CHST13: variants seen among roughly 807,000 people sequenced by gnomAD.
CHST13 encodes carbohydrate sulfotransferase 13.
A neutral mutation model predicts 7.0 loss-of-function variants in CHST13; 1 was observed. That is an observed-to-expected ratio of 0.14 (90% CI 0.05 to 0.68). The LOEUF is 0.68. CHST13 is among the 30% of genes least tolerant of loss of function. CHST13 has a pLI of 0.82. For missense variants in CHST13, 572 were observed against 507.9 expected (o/e 1.13, Z -1.21); for synonymous variants, 257 against 240.9 (o/e 1.07, Z -0.62).
chr3:126,532,557 T>A (rs1468675687), intron 1 of CHST13, among the ~76,000 whole-genome samples: 1 of 152,220 alleles, frequency 6.6e-6, no homozygotes, highest in Non-Finnish European at 1.5e-5. Flanking sequence ...CTTGGCTCCC[T>A]CATCAATAAT....
At chr3:126,539,552 A>T (rs1170665244) in intron 2 of CHST13, among the ~76,000 whole-genome samples, 1 of 145,450 alleles carries the variant, frequency 6.9e-6, no homozygotes, top group Non-Finnish European at 1.5e-5. Context: ...CACACCGCAC[A>T]CACACTGCAC....
At chr3:126,534,866 G>C (rs1475257884) in intron 1 of CHST13, among the ~76,000 whole-genome samples, 6 of 148,706 alleles carry the variant, frequency 4.0e-5, no homozygotes, top group Admixed American at 4.0e-4. Flanking sequence ...CTGGGAGACA[G>C]ACACACAGAC....
In CHST13 at chr3:126,542,314, C is replaced by T. The variant is rs1490470947; in HGVS notation, c.762C>T (p.Cys254=). 12 of 1,568,212 alleles carry T rather than the reference C, an allele frequency of 7.7e-6. No homozygotes were observed. Among genetic ancestry groups the T allele is most frequent in the South Asian group, 1.2e-5 (1 of 86,514 alleles). The change falls in exon 3 of 3, where the codon TGC becomes TGT. Residue 254 remains cysteine, a synonymous_variant. Transcript: ENST00000319340. ...ACTGGGAGCGCGCGCACGCGCTCTG[C>T]CACCCGTGTCGCCTCCGCTACGACG... ...NEHWERAHAL[C]HPCRLRYDVV...
At position 126,542,804 on chromosome 3, in the gene CHST13, T is replaced by G; in HGVS notation, c.*226T>G. On this transcript the variant is annotated 3_prime_UTR_variant, in exon 3 of 3. Transcript: ENST00000319340. ...CCTCGGCCTGTCGCCTGAGGCCTGC[T>G]TCCTCCACTTGCTCCAGCTGACAGG... 2.1e-6 allele frequency: 1 copy of G among 477,214 alleles called. No homozygotes were observed. Among genetic ancestry groups the G allele is most frequent in the Non-Finnish European group, 3.4e-6 (1 of 293,070 alleles). 29.6% of individuals were successfully genotyped at this position (477,214 alleles called of 1,614,324 possible). A position where few individuals can be genotyped will look rare whatever the true frequency, so the allele number is the denominator to read the frequency against.
chr3:126,536,360 G>A lies in CHST13; in HGVS notation c.180+7G>A, dbSNP rs1936790798. 2 of 1,611,366 alleles carry A rather than the reference G, an allele frequency of 1.2e-6. No individual in the cohort carries two copies. The highest frequency in any genetic ancestry group is 3.3e-5 in the Admixed American group (2 of 59,940). On this transcript the variant is annotated splice_region_variant and intron_variant, in intron 2 of 2. Transcript: ENST00000319340. ...GCTCTATGACCTGGATCAGGTAGGT[G>A]GACAGACCCTCGACCCAGGCATGCC...
At chr3:126,538,725 C>A (rs115567120) in intron 2 of CHST13, among the ~76,000 whole-genome samples, 39 of 152,314 alleles carry the variant, frequency 2.6e-4, no homozygotes, top group African/African-American at 9.1e-4. Context: ...TCAGTCCTGA[C>A]GGTGGAAACA....
At chr3:126,533,757 T>C (rs1936706858) in intron 1 of CHST13, among the ~76,000 whole-genome samples, 1 of 152,188 alleles carries the variant, frequency 6.6e-6, no homozygotes, top group South Asian at 2.1e-4. Flanking sequence ...GGAAGTGTTC[T>C]CTCCTCTTCT....
intron 1 of CHST13, among the ~76,000 whole-genome samples, chr3:126,528,691 A>AG (rs1263077564): frequency 6.6e-6 from 1 of 152,134 alleles, no homozygotes; most frequent in Non-Finnish European, 1.5e-5. Context: ...ACTGTGCTCA[A>AG]GGGGGATCTG....
intron 2 of CHST13, among the ~76,000 whole-genome samples, chr3:126,539,773 GCA>G (rs1402712374): frequency 1.2e-4 from 2 of 16,380 alleles, no homozygotes; most frequent in Non-Finnish European, 2.2e-4. Flanking sequence ...CACACACACA[GCA>G]CACACACACC....
In CHST13 at chr3:126,526,233, T is replaced by G. The variant is rs191562075; in HGVS notation, c.97+1804T>G. ...GCTGAAGCTTTGGCTGAGACTATGC[T>G]TGTGGGCCTGCAGGTGGCACACAGG... On this transcript the variant is annotated intron_variant, in intron 1 of 2. Coordinates refer to ENST00000319340, the MANE Select transcript of CHST13 (RefSeq NM_152889.3). Among the ~76,000 whole-genome samples, 849 of 152,142 alleles carry G rather than the reference T, an allele frequency of 5.6e-3. 4 individuals are homozygous for G. The highest frequency in any genetic ancestry group is 0.044 in the Middle Eastern group (13 of 294).
intron 2 of CHST13, among the ~76,000 whole-genome samples, chr3:126,537,694 AC>A (rs1936827706): frequency 6.6e-6 from 1 of 152,162 alleles, no homozygotes; most frequent in Non-Finnish European, 1.5e-5. Flanking sequence ...CAGCCTGAGG[AC>A]CCTGTGACCG....
At chr3:126,537,365 A>G (rs1936818855) in intron 2 of CHST13, among the ~76,000 whole-genome samples, 1 of 152,212 alleles carries the variant, frequency 6.6e-6, no homozygotes, top group Admixed American at 6.5e-5. Context: ...CAGGTGTGCA[A>G]GGGTAGCGGG....
intron 2 of CHST13, 31 bp from the exon 3 acceptor site, chr3:126,541,702 G>A (rs1936959515): frequency 7.1e-7 from 1 of 1,412,288 alleles, no homozygotes; most frequent in Non-Finnish European, 9.2e-7. Flanking sequence ...GCCCTGACGC[G>A]TCCCCCTGTC....
chr3:126,538,106 C>T (rs141884904), intron 2 of CHST13, among the ~76,000 whole-genome samples: 24 of 152,348 alleles, frequency 1.6e-4, no homozygotes, highest in African/African-American at 5.8e-4. Flanking sequence ...TCAGTTTTCT[C>T]TTCTGTAAAA....
At chr3:126,530,547 G>A (rs751570117) in intron 1 of CHST13, among the ~76,000 whole-genome samples, 9 of 152,218 alleles carry the variant, frequency 5.9e-5, no homozygotes, top group Middle Eastern at 3.2e-3. Flanking sequence ...AAAGGGACAC[G>A]TCTCATCTGC....
chr3:126,541,909 C>A lies in CHST13; in HGVS notation c.357C>A (p.Asn119Lys). The change falls in exon 3 of 3, where the codon AAC (asparagine) becomes AAA (lysine). Residue 119 changes from asparagine (N) to lysine (K), a missense_variant. By Grantham distance (94) the Asn-to-Lys change is moderately conservative. Transcript: ENST00000319340. Reference protein sequence around the residue: ...YCYVPKVACTNWKRVLLALSG... With the variant: ...YCYVPKVACTKWKRVLLALSG... ...ACGTGCCCAAGGTGGCCTGCACCAA[C>A]TGGAAGCGCGTGCTGCTGGCGCTGA... The A allele has an allele frequency of 6.2e-7, 1 of 1,600,316 alleles. No individual in the cohort carries two copies. Among genetic ancestry groups the A allele is most frequent in the Non-Finnish European group, 8.5e-7 (1 of 1,174,052 alleles).
intron 1 of CHST13, among the ~76,000 whole-genome samples, chr3:126,530,899 T>C (rs1936644043): frequency 1.3e-5 from 2 of 152,234 alleles, no homozygotes; most frequent in African/African-American, 4.8e-5. Flanking sequence ...CCCTTGTTCC[T>C]GGGCCTTACA....
At chr3:126,541,668 C>T (rs923874023) in intron 2 of CHST13, 65 bp from the exon 3 acceptor site, 1 of 1,351,866 alleles carries the variant, frequency 7.4e-7, no homozygotes, top group Non-Finnish European at 9.6e-7. Flanking sequence ...GCCGGGGCAG[C>T]GCCAGAGTCA....
chr3:126,525,218 G>A (rs531948100), intron 1 of CHST13, among the ~76,000 whole-genome samples: 2 of 152,268 alleles, frequency 1.3e-5, no homozygotes, highest in Non-Finnish European at 2.9e-5. Context: ...TGTGGTATGC[G>A]TGCTGGGTGG....
Sources: allele counts gnomAD v4.1 joint callset (sites outside exome capture counted in the v4.1 genomes callset), GRCh38; gene constraint gnomAD v4.1.1; transcripts MANE v1.5; gene names NCBI Gene and HGNC (gene_info 2026-07-23, HGNC 2026-07-21).